Variants in DUSP18 observed in about 807,000 individuals in gnomAD.
DUSP18 encodes the protein dual specificity phosphatase 18.
In DUSP18, 4 loss-of-function variants were observed where a neutral mutation model predicts 6.3. The observed-to-expected ratio is 0.63, with a 90% CI of 0.31 to 1.45. The LOEUF (loss-of-function observed/expected upper bound fraction) is 1.45, where lower values mean the gene tolerates loss of function less well. Among genes scored for constraint, DUSP18 ranks in the 40% most tolerant of loss-of-function variants. DUSP18 has a pLI of 0.07. For synonymous variants in DUSP18, 96 were observed against 95.1 expected (o/e 1.01, Z -0.05); for missense variants, 235 against 247.7 (o/e 0.95, Z 0.34).
chr22:30,662,498 G>A lies in DUSP18; in HGVS notation c.*939C>T, dbSNP rs2088507010. 6.6e-6 allele frequency: 1 copy of A among 152,142 alleles called. No homozygotes were observed. The highest frequency in any genetic ancestry group is 1.5e-5 in the Non-Finnish European group (1 of 68,032). 9.4% of individuals were successfully genotyped at this position (152,142 alleles called of 1,614,324 possible). A position where few individuals can be genotyped will look rare whatever the true frequency, so the allele number is the denominator to read the frequency against. On this transcript the variant is annotated 3_prime_UTR_variant, in exon 2 of 2. Transcript: ENST00000334679. ...GGTGAGGGATGGCCAAGAGCTCTTTGAAACTTTGCCATGTACAATAGCACT... is the reference window on the plus strand; with the variant it reads ...GGTGAGGGATGGCCAAGAGCTCTTTAAAACTTTGCCATGTACAATAGCACT...
At position 30,663,483 on chromosome 22, in the gene DUSP18, A is replaced by G. The variant is rs138771280; in HGVS notation, c.521T>C (p.Ile174Thr). The G allele has an allele frequency of 6.2e-7, 1 of 1,613,832 alleles. No homozygotes were observed. Among genetic ancestry groups the G allele is most frequent in the African/African-American group, 1.3e-5 (1 of 74,916 alleles). ...GACTTCCTTCTCATAGATGTCAGGG[A>G]TCATTCCCACTGGGGAACTGACCAT... ...VHMVSSPVGM[I>T]PDIYEKEVRL... The change falls in exon 2 of 2, where the codon ATC (isoleucine) becomes ACC (threonine). Residue 174 changes from isoleucine to threonine, a missense_variant. Coordinates refer to ENST00000334679, the MANE Select transcript of DUSP18 (RefSeq NM_152511.5).
At chr22:30,664,375 C>T (rs2088578142) in intron 1 of DUSP18, among the ~76,000 whole-genome samples, 1 of 152,222 alleles carries the variant, frequency 6.6e-6, no homozygotes, top group African/African-American at 2.4e-5. Flanking sequence ...GCACTTGAGG[C>T]CTCCCTTGAG....
In DUSP18 at chr22:30,664,084, C is replaced by T. The variant is rs914731081; in HGVS notation, c.-77-4G>A. ...GCTAGGCTGTGTCCATGGAAAACTGCAGAGAGGGAGAGGATGTTTAGAGGG... is the reference window on the plus strand; with the variant it reads ...GCTAGGCTGTGTCCATGGAAAACTGTAGAGAGGGAGAGGATGTTTAGAGGG... On this transcript the variant is annotated splice_polypyrimidine_tract_variant and splice_region_variant and intron_variant, in intron 1 of 1. Transcript: ENST00000334679. 6 of 1,363,744 alleles carry T rather than the reference C, an allele frequency of 4.4e-6. No homozygotes were observed. The highest frequency in any genetic ancestry group is 2.2e-5 in the Admixed American group (1 of 46,080). The allele number at this position is 1,363,744 out of a possible 1,614,324, so 84.5% of individuals were successfully genotyped here. A position where few individuals can be genotyped will look rare whatever the true frequency, so the allele number is the denominator to read the frequency against.
chr22:30,657,761 G>A (rs199853328), downstream of DUSP18, among the ~76,000 whole-genome samples: 4 of 151,280 alleles, frequency 2.6e-5, no homozygotes, highest in African/African-American at 4.9e-5. Context: ...AAAATTAGCC[G>A]GGTGTGGTGG....
chr22:30,655,897 G>A (rs559042559), intron 2 of DUSP18, among the ~76,000 whole-genome samples: 7 of 152,082 alleles, frequency 4.6e-5, no homozygotes, highest in Admixed American at 4.6e-4. Context: ...GTGATATTGG[G>A]TCACGATCCA....
chr22:30,662,514 C>T lies in DUSP18; in HGVS notation c.*923G>A, dbSNP rs2088507344. 1 of 152,142 alleles carries T rather than the reference C, an allele frequency of 6.6e-6. No individual in the cohort carries two copies. The highest frequency in any genetic ancestry group is 6.5e-5 in the Admixed American group (1 of 15,270). The allele number at this position is 152,142 out of a possible 1,614,324, so 9.4% of individuals were successfully genotyped here. ...GAGCTCTTTGAAACTTTGCCATGTA[C>T]AATAGCACTCACAATTTTTTTTAAA... On this transcript the variant is annotated 3_prime_UTR_variant, in exon 2 of 2. Transcript: ENST00000334679.
In DUSP18 at chr22:30,661,834, T is replaced by G. The variant is rs1332784100; in HGVS notation, c.*1603A>C. ...GACACGGCCCCCTTATGGATCCCAG[T>G]AGTCAGCCGGGGTGCAGGTTTTCAT... On this transcript the variant is annotated 3_prime_UTR_variant, in exon 2 of 2. Transcript: ENST00000334679. 6.6e-6 allele frequency: 1 copy of G among 152,156 alleles called. No individual in the cohort carries two copies. The highest frequency in any genetic ancestry group is 2.4e-5 in the African/African-American group (1 of 41,410). The allele number at this position is 152,156 out of a possible 1,614,324, so 9.4% of individuals were successfully genotyped here.
chr22:30,658,049 G>A (rs186786679), downstream of DUSP18, among the ~76,000 whole-genome samples: 1 of 151,782 alleles, frequency 6.6e-6, no homozygotes, highest in African/African-American at 2.4e-5. Flanking sequence ...TGAGGCTGCA[G>A]TGGGCGGTGA....
intron 2 of DUSP18, chr22:30,654,334 C>T (rs571130640): frequency 1.9e-5 from 9 of 463,544 alleles, no homozygotes; most frequent in Middle Eastern, 6.7e-4. Context: ...CTTCTCCTTC[C>T]TCTTCTCCTC....
intron 2 of DUSP18, chr22:30,654,551 TGCCTCGGGGTCC>T: frequency 2.3e-6 from 1 of 441,294 alleles, no homozygotes; most frequent in Non-Finnish European, 4.5e-6. Flanking sequence ...CGGGGCAGCA[TGCCTCGGGGTCC>T]GCCAGAAGAT....
chr22:30,653,937 G>T, intron 2 of DUSP18: 1 of 168,434 alleles, frequency 5.9e-6, no homozygotes, highest in Non-Finnish European at 1.3e-5. Context: ...CCTTCTCCAC[G>T]TTCTTTTCGG....
intron 1 of DUSP18, among the ~76,000 whole-genome samples, chr22:30,666,007 C>G (rs1271763657): frequency 6.6e-6 from 1 of 152,196 alleles, no homozygotes; most frequent in Non-Finnish European, 1.5e-5. Flanking sequence ...CAAATCCTAC[C>G]TGCCAATGCC....
exon 3 of DUSP18, chr22:30,652,112 G>A (rs2088232747): frequency 6.6e-6 from 1 of 152,234 alleles, no homozygotes. Context: ...AGGGAGCAGA[G>A]TTTTAAGGAC....
chr22:30,660,304 G>GA (rs111263600), downstream of DUSP18, among the ~76,000 whole-genome samples: 78 of 91,692 alleles, frequency 8.5e-4, no homozygotes, highest in East Asian at 2.6e-3. Flanking sequence ...GCAGCAGAGA[G>GA]AAAAAAATTT....
downstream of DUSP18, among the ~76,000 whole-genome samples, chr22:30,657,760 C>T (rs1263307213): frequency 6.0e-5 from 9 of 151,088 alleles, no homozygotes; most frequent in Non-Finnish European, 1.2e-4. Flanking sequence ...AAAAATTAGC[C>T]GGGTGTGGTG....
chr22:30,652,938 G>A (rs2088251370), intron 2 of DUSP18, among the ~76,000 whole-genome samples: 1 of 152,216 alleles, frequency 6.6e-6, no homozygotes, highest in Non-Finnish European at 1.5e-5. Flanking sequence ...GGACATCTCT[G>A]AGGCTAGCTA....
At chr22:30,664,364 G>A (rs41282551) in intron 1 of DUSP18, among the ~76,000 whole-genome samples, 48 of 152,296 alleles carry the variant, frequency 3.2e-4, no homozygotes, top group Middle Eastern at 3.4e-3. Flanking sequence ...CCCCAAGTCT[G>A]GCACTTGAGG....
chr22:30,665,448 T>G, intron 1 of DUSP18: 1 of 460,914 alleles, frequency 2.2e-6, no homozygotes, highest in South Asian at 1.6e-5. Flanking sequence ...CCAGTGGCCT[T>G]TGCCCCTGCT....
At chr22:30,658,058 G>C (rs566340104), downstream of DUSP18, among the ~76,000 whole-genome samples, 1 of 151,374 alleles carries the variant, frequency 6.6e-6, no homozygotes, top group Non-Finnish European at 1.5e-5. Flanking sequence ...AGTGGGCGGT[G>C]ATCACACCAC....
Sources: allele counts gnomAD v4.1 joint callset (sites outside exome capture counted in the v4.1 genomes callset), GRCh38; gene constraint gnomAD v4.1.1; transcripts MANE v1.5; gene names NCBI Gene and HGNC (gene_info 2026-07-23, HGNC 2026-07-21).